The following NIBAN2 variants were observed in gnomAD, a reference collection of about 807,000 sequenced individuals.
NIBAN2 encodes niban apoptosis regulator 2, also known as protein Niban 2.
Under a neutral mutation model 81.8 loss-of-function variants are expected in NIBAN2, and 36 were observed. That is an observed-to-expected ratio of 0.44 (90% CI 0.34 to 0.58). The LOEUF (loss-of-function observed/expected upper bound fraction) is 0.58, where lower values mean the gene tolerates loss of function less well. Among genes scored for constraint, NIBAN2 ranks in the 20% least tolerant of loss-of-function variants. The pLI, the probability that NIBAN2 is intolerant of heterozygous loss-of-function variation, is 0.02. For synonymous variants in NIBAN2, 445 were observed against 441.6 expected, an observed-to-expected ratio of 1.01 and a Z score of -0.10; for missense variants, 897 against 1,014.1, an observed-to-expected ratio of 0.88 and a Z score of 1.57.
intron 3 of NIBAN2, among the ~76,000 whole-genome samples, chr9:127,526,089 C>T (rs919237306): frequency 2.0e-5 from 3 of 152,130 alleles, no homozygotes; most frequent in African/African-American, 4.8e-5. Flanking sequence ...CAACACCACC[C>T]GAGAACTTAC....
In NIBAN2 at chr9:127,516,853, C is replaced by T. The variant is rs1417175025; in HGVS notation, c.973+4G>A. ...GCCCGTCGAGCACGGGGGTGGCTGC[C>T]TACCTCGGATCTTGCTGGCAAGGTG... On this transcript the variant is annotated splice_donor_region_variant and intron_variant, in intron 8 of 13. Coordinates refer to ENST00000373312, the MANE Select transcript of NIBAN2 (RefSeq NM_022833.4). 3 of 1,609,880 alleles carry T rather than the reference C, an allele frequency of 1.9e-6. No homozygotes were observed. The highest frequency in any genetic ancestry group is 1.7e-6 in the Non-Finnish European group (2 of 1,176,446).
chr9:127,544,528 A>C (rs1486283972), intron 1 of NIBAN2, among the ~76,000 whole-genome samples: 1 of 150,630 alleles, frequency 6.6e-6, no homozygotes, highest in Non-Finnish European at 1.5e-5. Context: ...TTTGAGATGG[A>C]GTCCCCACTC....
intron 1 of NIBAN2, among the ~76,000 whole-genome samples, chr9:127,547,482 A>C (rs566051102): frequency 7.5e-4 from 114 of 151,224 alleles, no homozygotes; most frequent in African/African-American, 2.7e-3. Context: ...GCGCCACTGC[A>C]CTCCAGCCTG....
upstream of NIBAN2, among the ~76,000 whole-genome samples, chr9:127,569,731 AG>A (rs550869648): frequency 1.4e-4 from 22 of 152,242 alleles, 1 homozygote; most frequent in South Asian, 4.6e-3. Context: ...AGCTATAGGA[AG>A]GGGGTGGGGA....
chr9:127,520,600 T>C (rs1239068393), intron 5 of NIBAN2, among the ~76,000 whole-genome samples: 2 of 151,966 alleles, frequency 1.3e-5, no homozygotes, highest in African/African-American at 2.4e-5. Context: ...CCAAATCCAA[T>C]ACAACTAGTG....
At chr9:127,520,088 A>G (rs947885283) in intron 5 of NIBAN2, among the ~76,000 whole-genome samples, 1 of 152,042 alleles carries the variant, frequency 6.6e-6, no homozygotes, top group Non-Finnish European at 1.5e-5. Context: ...TGAGTGTGAC[A>G]AGTTTCAGGG....
chr9:127,505,429 C>T lies in NIBAN2; in HGVS notation c.*1416G>A, dbSNP rs532605518. 3.3e-5 allele frequency: 5 copies of T among 152,614 alleles called. No individual in the cohort carries two copies. Among genetic ancestry groups the T allele is most frequent in the Non-Finnish European group, 7.3e-5 (5 of 68,040 alleles). The allele number at this position is 152,614 out of a possible 1,614,324, so 9.5% of individuals were successfully genotyped here. Reference sequence around the variant, plus strand: ...AATATCAGGGAGGGATGATGGGAACCCCTCAAAAGGCACTAGAGGCGCAGA... The same window carrying T: ...AATATCAGGGAGGGATGATGGGAACTCCTCAAAAGGCACTAGAGGCGCAGA... On this transcript the variant is annotated 3_prime_UTR_variant, in exon 14 of 14. Transcript: ENST00000373312.
intron 3 of NIBAN2, among the ~76,000 whole-genome samples, chr9:127,526,406 AAAAAAAAAAG>A (rs1564303088): frequency 4.0e-5 from 6 of 151,382 alleles, no homozygotes; most frequent in Admixed American, 3.3e-4. Flanking sequence ...CTCAAAAAAA[AAAAAAAAAAG>A]AAAAAAAAAA....
chr9:127,572,874 G>A (rs1019981919), upstream of NIBAN2, among the ~76,000 whole-genome samples: 1 of 151,888 alleles, frequency 6.6e-6, no homozygotes, highest in African/African-American at 2.4e-5. Flanking sequence ...ATGAGACCCC[G>A]TCGTTAAATA....
At chr9:127,529,401 G>T (rs1197922500) in intron 2 of NIBAN2, among the ~76,000 whole-genome samples, 1 of 151,582 alleles carries the variant, frequency 6.6e-6, no homozygotes, top group African/African-American at 2.4e-5. Flanking sequence ...CACTTTGGGA[G>T]GCCGAGGCAG....
At position 127,507,499 on chromosome 9, in the gene NIBAN2, G is replaced by A. The variant is rs188468532; in HGVS notation, c.1655-68C>T. 1.9e-4 allele frequency: 260 copies of A among 1,334,086 alleles called. 1 individual carries two copies. In the African/African-American group the frequency reaches 3.2e-3, roughly 16 times the overall value. The allele number at this position is 1,334,086 out of a possible 1,614,324, so 82.6% of individuals were successfully genotyped here. On this transcript the variant is annotated intron_variant, in intron 13 of 13. Coordinates refer to ENST00000373312, the MANE Select transcript of NIBAN2 (RefSeq NM_022833.4). This position sits in a 1 kb window ranked among gnomAD's most constrained non-coding sequence, Gnocchi z 6.8. ...CACAGCCGCCCCTGTGCTGGACTCTGCTCAAAGAAGACCCGTCTCATCCCG... is the reference window on the plus strand; with the variant it reads ...CACAGCCGCCCCTGTGCTGGACTCTACTCAAAGAAGACCCGTCTCATCCCG...
At chr9:127,558,332 TGCGGGG>T (rs1564318326) in intron 1 of NIBAN2, among the ~76,000 whole-genome samples, 1 of 151,728 alleles carries the variant, frequency 6.6e-6, no homozygotes, top group African/African-American at 2.4e-5. Flanking sequence ...CCTGCACGGG[TGCGGGG>T]GGTGGGAGTA....
rs1284588795 is a variant in NIBAN2, at chr9:127,523,671, C to T, written c.589+8G>A. ...CTCCCACCGACCCTGCACCCACAGG[C>T]CACTCACCATTGTTGCAGTGCCGGA... is the stretch of plus-strand genomic sequence containing the variant. On this transcript the variant is annotated splice_region_variant and intron_variant, in intron 5 of 13. Coordinates refer to ENST00000373312, the MANE Select transcript of NIBAN2 (RefSeq NM_022833.4). The T allele has an allele frequency of 6.2e-7, 1 of 1,605,454 alleles. No individual in the cohort carries two copies. The highest frequency in any genetic ancestry group is 1.7e-5 in the Admixed American group (1 of 59,920).
rs753974896 is a variant in NIBAN2 at position 127,517,139 on chromosome 9, C to T, written c.783G>A (p.Pro261=). The change falls in exon 7 of 14, where the codon CCG becomes CCA. Residue 261 remains proline, a synonymous_variant. Transcript: ENST00000373312. This position sits in a 1 kb window ranked among gnomAD's most constrained non-coding sequence, Gnocchi z 4.0. ...AELGPRLKGK[P]QERQRQWIQI... Reference sequence around the variant, plus strand: ...GGATCCACTGCCGCTGCCGCTCCTGCGGTTTCCCCTTCAGCCGCGGGCCGA... The same window carrying T: ...GGATCCACTGCCGCTGCCGCTCCTGTGGTTTCCCCTTCAGCCGCGGGCCGA... 3.8e-5 allele frequency: 61 copies of T among 1,613,888 alleles called. No homozygotes were observed. Among genetic ancestry groups the T allele is most frequent in the Non-Finnish European group, 4.9e-5 (58 of 1,179,938 alleles).
At chr9:127,544,751 G>A (rs1193988932) in intron 1 of NIBAN2, among the ~76,000 whole-genome samples, 2 of 152,180 alleles carry the variant, frequency 1.3e-5, no homozygotes, top group South Asian at 2.1e-4. Flanking sequence ...TGATCCACCC[G>A]CCTCGGCCTC....
intron 1 of NIBAN2, among the ~76,000 whole-genome samples, chr9:127,549,327 C>G (rs539428301): frequency 6.6e-6 from 1 of 152,304 alleles, no homozygotes; most frequent in South Asian, 2.1e-4. Context: ...TATGCCCACA[C>G]GCATGCACAC....
intron 1 of NIBAN2, among the ~76,000 whole-genome samples, chr9:127,576,352 G>T (rs997491742): frequency 6.6e-6 from 1 of 152,018 alleles, no homozygotes. Flanking sequence ...TTCCAGGAAG[G>T]GGGTGCCTTA....
chr9:127,522,784 T>C (rs1836967696), intron 5 of NIBAN2, among the ~76,000 whole-genome samples: 1 of 151,958 alleles, frequency 6.6e-6, no homozygotes, highest in Non-Finnish European at 1.5e-5. Flanking sequence ...GGACTTCTCC[T>C]TCAGGTCTCT....
chr9:127,578,634 G>C (rs4302945), intron 1 of NIBAN2, among the ~76,000 whole-genome samples: 120,583 of 151,304 alleles, frequency 0.8, 48,386 homozygotes, highest in African/African-American at 0.89. Flanking sequence ...CGCCATTGCA[G>C]TCCAGCCGGG....
Sources: allele counts gnomAD v4.1 joint callset (sites outside exome capture counted in the v4.1 genomes callset), GRCh38; gene constraint gnomAD v4.1.1; non-coding constraint Gnocchi (gnomAD v3.1); transcripts MANE v1.5; gene names NCBI Gene and HGNC (gene_info 2026-07-23, HGNC 2026-07-21).